Variants in TSHZ2 observed in about 807,000 individuals in gnomAD.
TSHZ2 encodes the protein teashirt homolog 2.
In TSHZ2, 21 loss-of-function variants were observed where a neutral mutation model predicts 74.4. That is an observed-to-expected ratio of 0.28 (90% CI 0.20 to 0.41). The LOEUF (loss-of-function observed/expected upper bound fraction) is 0.41, where lower values mean the gene tolerates loss of function less well. TSHZ2 is among the 10% of genes least tolerant of loss of function. The probability of loss-of-function intolerance (pLI) is 1.00; values close to 1 mark genes in which losing one functional copy is unlikely to be tolerated. For synonymous variants in TSHZ2, 540 were observed against 515.3 expected (o/e 1.05, Z -0.65); for missense variants, 1,244 against 1,293.5 (o/e 0.96, Z 0.59).
At chr20:53,229,621 A>G (rs900743733) in intron 1 of TSHZ2, among the ~76,000 whole-genome samples, 1 of 152,062 alleles carries the variant, frequency 6.6e-6, no homozygotes, top group Non-Finnish European at 1.5e-5. Flanking sequence ...ATAGTTCATT[A>G]ATTAAGGGTT....
chr20:53,240,937 G>T (rs1990054582), intron 1 of TSHZ2, among the ~76,000 whole-genome samples: 1 of 152,128 alleles, frequency 6.6e-6, no homozygotes, highest in East Asian at 1.9e-4. Context: ...GCTGTCTTAG[G>T]AACCATTTAT....
chr20:53,186,086 T>C (rs1267545413), intron 1 of TSHZ2, among the ~76,000 whole-genome samples: 3 of 152,228 alleles, frequency 2.0e-5, no homozygotes, highest in Non-Finnish European at 4.4e-5. Context: ...CTTCTCCCTA[T>C]CACACGCTCT....
At chr20:53,170,836 C>G (rs1266023255) in intron 1 of TSHZ2, among the ~76,000 whole-genome samples, 1 of 151,974 alleles carries the variant, frequency 6.6e-6, no homozygotes, top group Non-Finnish European at 1.5e-5. Context: ...CAGCTCTAGC[C>G]TTGCCCAAGA....
At chr20:53,214,504 C>T (rs945683297) in intron 1 of TSHZ2, among the ~76,000 whole-genome samples, 2 of 152,144 alleles carry the variant, frequency 1.3e-5, no homozygotes, top group African/African-American at 2.4e-5. Flanking sequence ...TGGCCAATAT[C>T]GTGGCCAAGA....
At chr20:53,106,391 CTTTTTTTTTTTTTTTTT>C (rs71194458) in intron 1 of TSHZ2, among the ~76,000 whole-genome samples, 1 of 58,938 alleles carries the variant, frequency 1.7e-5, no homozygotes, top group Non-Finnish European at 2.9e-5. Flanking sequence ...CTCACACTTT[CTTTTTTTTTTTTTTTTT>C]TTTTTTTTTT....
chr20:53,265,189 T>G (rs944913624), intron 2 of TSHZ2, among the ~76,000 whole-genome samples: 4 of 152,048 alleles, frequency 2.6e-5, no homozygotes, highest in Admixed American at 2.6e-4. Context: ...TTCAGTGACT[T>G]AACCCAGGCC....
intron 1 of TSHZ2, among the ~76,000 whole-genome samples, chr20:53,007,812 C>T (rs1419658321): frequency 2.0e-5 from 3 of 151,662 alleles, no homozygotes; most frequent in Non-Finnish European, 4.4e-5. Flanking sequence ...GTGATGTGAG[C>T]ATGACATGGT....
intron 2 of TSHZ2, among the ~76,000 whole-genome samples, chr20:53,390,533 C>G (rs1173919953): frequency 6.6e-6 from 1 of 152,242 alleles, no homozygotes; most frequent in Non-Finnish European, 1.5e-5. Context: ...TAAACACCGA[C>G]TGTGTGCCTT....
At chr20:53,187,906 A>C (rs1988638977) in intron 1 of TSHZ2, among the ~76,000 whole-genome samples, 1 of 152,166 alleles carries the variant, frequency 6.6e-6, no homozygotes, top group Admixed American at 6.5e-5. Flanking sequence ...AGCGTGGCTC[A>C]GGCAGCTCCT....
At chr20:53,006,526 C>T (rs755482248) in intron 1 of TSHZ2, among the ~76,000 whole-genome samples, 4 of 152,190 alleles carry the variant, frequency 2.6e-5, no homozygotes, top group Non-Finnish European at 4.4e-5. Flanking sequence ...GCCCCAGTCC[C>T]TTTTAATGTG....
intron 2 of TSHZ2, among the ~76,000 whole-genome samples, chr20:53,422,900 T>A (rs1178596519): frequency 6.6e-6 from 1 of 152,228 alleles, no homozygotes; most frequent in East Asian, 1.9e-4. Context: ...ATATCTATAC[T>A]TAACAGTAGT....
In TSHZ2 at chr20:53,255,968, C is replaced by T. The variant is rs565190095; in HGVS notation, c.2510C>T (p.Thr837Ile). ...GAGGATGTCTCCAGTGAAGTCTCAA[C>T]TTTGCATAAAAGAAAAGGCCGGCAG... ...RFEDVSSEVS[T>I]LHKRKGRQSN... Residue 837 changes from threonine to isoleucine, a missense_variant, in exon 2 of 3, where the codon ACT becomes ATT. Transcript: ENST00000371497. The surrounding 1 kb of genome is among the most constrained non-coding windows in gnomAD (Gnocchi z 4.1). The T allele has an allele frequency of 6.2e-7, 1 of 1,614,066 alleles. No homozygotes were observed. Among genetic ancestry groups the T allele is most frequent in the East Asian group, 2.2e-5 (1 of 44,884 alleles).
chr20:53,342,150 T>A (rs186104511), intron 2 of TSHZ2, among the ~76,000 whole-genome samples: 1 of 152,264 alleles, frequency 6.6e-6, no homozygotes, highest in East Asian at 1.9e-4. Context: ...CACGGATACG[T>A]TATTATGAAC....
intron 2 of TSHZ2, among the ~76,000 whole-genome samples, chr20:53,426,644 C>T (rs965447372): frequency 2.0e-5 from 3 of 152,104 alleles, no homozygotes; most frequent in African/African-American, 7.2e-5. Flanking sequence ...GTTTTCTGCC[C>T]AGCCTGGGTA....
At chr20:53,235,140 G>C (rs565750469) in intron 1 of TSHZ2, among the ~76,000 whole-genome samples, 2 of 56,184 alleles carry the variant, frequency 3.6e-5, no homozygotes, top group Non-Finnish European at 7.1e-5. Context: ...GGCGGGGCGG[G>C]GGGGGGGGAA....
chr20:53,056,652 C>A (rs2123150519), intron 1 of TSHZ2, among the ~76,000 whole-genome samples: 1 of 152,304 alleles, frequency 6.6e-6, no homozygotes, highest in East Asian at 1.9e-4. Context: ...CTACACAAAC[C>A]CCAGCACACA....
At chr20:53,280,641 T>TTTTGTTTGTTTG (rs3042096) in intron 2 of TSHZ2, among the ~76,000 whole-genome samples, 1 of 150,904 alleles carries the variant, frequency 6.6e-6, no homozygotes, top group Admixed American at 6.6e-5. Context: ...CAAGTCGTTT[T>TTTTGTTTGTTTG]TTTGTTTGTT....
At chr20:53,437,974 G>A (rs1984154478) in intron 2 of TSHZ2, among the ~76,000 whole-genome samples, 1 of 152,156 alleles carries the variant, frequency 6.6e-6, no homozygotes, top group Admixed American at 6.5e-5. Context: ...GCAGAACTGT[G>A]AGCCAAAATA....
At chr20:53,298,935 A>G (rs1345924183) in intron 2 of TSHZ2, among the ~76,000 whole-genome samples, 2 of 152,190 alleles carry the variant, frequency 1.3e-5, no homozygotes, top group Non-Finnish European at 2.9e-5. Flanking sequence ...GCCTCTGTGA[A>G]GGTGTGAGCC....
Sources: allele counts gnomAD v4.1 joint callset (sites outside exome capture counted in the v4.1 genomes callset), GRCh38; gene constraint gnomAD v4.1.1; non-coding constraint Gnocchi (gnomAD v3.1); transcripts MANE v1.5; gene names NCBI Gene and HGNC (gene_info 2026-07-23, HGNC 2026-07-21).